Variants in IRS1 observed in about 807,000 individuals in gnomAD.
IRS1 encodes insulin receptor substrate 1.
IRS1 carries 34 observed loss-of-function variants against 65.6 expected under a neutral mutation model. The observed-to-expected ratio is 0.52, with a 90% confidence interval of 0.39 to 0.69. The LOEUF is 0.69. Among genes scored for constraint, IRS1 ranks in the 30% least tolerant of loss-of-function variants. The probability of loss-of-function intolerance (pLI) is 0.00; values close to 1 mark genes in which losing one functional copy is unlikely to be tolerated. For missense variants in IRS1, 1,641 were observed against 1,720.2 expected, an observed-to-expected ratio of 0.95 and a Z score of 0.81; for synonymous variants, 699 against 683.5, an observed-to-expected ratio of 1.02 and a Z score of -0.35.
In IRS1 at chr2:226,771,536, G is replaced by A. The variant is rs151329587; in HGVS notation, c.*21+23453C>T. On this transcript the variant is annotated intron_variant, in intron 1 of 1. Transcript: ENST00000305123. ...CAGGAGTTAGAATTTTAGTAGTTTC[G>A]TTATTTTGCTTTCCTTACAGCATGG... 1.3e-3 allele frequency among the ~76,000 whole-genome samples: 191 copies of A among 152,104 alleles called. 1 individual carries two copies. Among genetic ancestry groups the A allele is most frequent in the African/African-American group, 4.1e-3 (169 of 41,504 alleles).
At position 226,798,805 on chromosome 2, in the gene IRS1, G is replaced by A; in HGVS notation, c.-67C>T. On this transcript the variant is annotated 5_prime_UTR_variant, in exon 1 of 2. Coordinates refer to ENST00000305123, the MANE Select transcript of IRS1 (RefSeq NM_005544.3). This position sits in a 1 kb window ranked among gnomAD's most constrained non-coding sequence, Gnocchi z 9.4. ...GAAAAACAACCGGGTGGGGGGCGGA[G>A]GCTCCTCGCCGCGGCCCGGCACATG... 1 of 1,560,752 alleles carries A rather than the reference G, an allele frequency of 6.4e-7. No individual in the cohort carries two copies. Among genetic ancestry groups the A allele is most frequent in the Non-Finnish European group, 8.7e-7 (1 of 1,153,790 alleles).
chr2:226,762,433 A>G (rs1221614784), intron 1 of IRS1, among the ~76,000 whole-genome samples: 1 of 152,140 alleles, frequency 6.6e-6, no homozygotes, highest in Non-Finnish European at 1.5e-5. Flanking sequence ...ACACTAGTGA[A>G]GCATCTGTAT....
In IRS1 at chr2:226,799,246, A is replaced by C; in HGVS notation, c.-508T>G. 1 of 1,128,092 alleles carries C rather than the reference A, an allele frequency of 8.9e-7. No individual in the cohort carries two copies. The highest frequency in any genetic ancestry group is 1.1e-6 in the Non-Finnish European group (1 of 903,038). The allele number at this position is 1,128,092 out of a possible 1,614,324, so 69.9% of individuals were successfully genotyped here. ...GGGGGAGGCGGGTTGCCAAGTCCCA[A>C]CGTTGCACGGGGTTCTCCCTCCTCC... On this transcript the variant is annotated 5_prime_UTR_variant, in exon 1 of 2. Coordinates refer to ENST00000305123, the MANE Select transcript of IRS1 (RefSeq NM_005544.3). The surrounding 1 kb of genome is among the most constrained non-coding windows in gnomAD (Gnocchi z 6.1).
rs1225210190 is a variant in IRS1, at chr2:226,795,577, A to C, written c.3162T>G (p.Ala1054=). The C allele has an allele frequency of 6.8e-6, 11 of 1,612,946 alleles. No homozygotes were observed. Among genetic ancestry groups the C allele is most frequent in the Non-Finnish European group, 9.3e-6 (11 of 1,179,922 alleles). The change falls in exon 1 of 2, where the codon GCT becomes GCG. Residue 1054 remains alanine (A), a synonymous_variant. Coordinates refer to ENST00000305123, the MANE Select transcript of IRS1 (RefSeq NM_005544.3). ...GGCCCCCCAGCAGGGACGAGTGGGCAGCCAGCTCTGCTGCCCCTTGAGGCC... is the reference window on the plus strand; with the variant it reads ...GGCCCCCCAGCAGGGACGAGTGGGCCGCCAGCTCTGCTGCCCCTTGAGGCC... ...PTGPQGAAEL[A]AHSSLLGGPQ...
At chr2:226,756,080 A>T (rs1301791052) in intron 1 of IRS1, among the ~76,000 whole-genome samples, 1 of 152,246 alleles carries the variant, frequency 6.6e-6, no homozygotes, top group South Asian at 2.1e-4. Context: ...CTAAGTTTTA[A>T]CATAATACAG....
intron 1 of IRS1, among the ~76,000 whole-genome samples, chr2:226,740,050 T>C (rs1938408208): frequency 6.6e-6 from 1 of 152,196 alleles, no homozygotes; most frequent in South Asian, 2.1e-4. Context: ...GTTTTACAAA[T>C]GCAAAAATTC....
intron 1 of IRS1, among the ~76,000 whole-genome samples, chr2:226,766,735 G>A (rs1431756192): frequency 6.6e-6 from 1 of 152,156 alleles, no homozygotes; most frequent in Non-Finnish European, 1.5e-5. Context: ...GAAGTGCTTA[G>A]TTCATTAGTG....
rs1047925660 is a variant in IRS1 at position 226,731,438 on chromosome 2, C to G, written c.*4834G>C. On this transcript the variant is annotated 3_prime_UTR_variant, in exon 2 of 2. Coordinates refer to ENST00000305123, the MANE Select transcript of IRS1 (RefSeq NM_005544.3). ...TTTTCTTTAATTGATGATGAAGACA[C>G]TACAATTCTAAGTACCAGACAGAAT... is the stretch of plus-strand genomic sequence containing the variant. 6.6e-6 allele frequency: 1 copy of G among 151,794 alleles called. No individual in the cohort carries two copies. The highest frequency in any genetic ancestry group is 2.1e-4 in the South Asian group (1 of 4,812). The allele number at this position is 151,794 out of a possible 1,614,324, so 9.4% of individuals were successfully genotyped here. A position where few individuals can be genotyped will look rare whatever the true frequency, so the allele number is the denominator to read the frequency against.
chr2:226,766,145 ATATATATATATATATATAT>A (rs1559151979), intron 1 of IRS1, among the ~76,000 whole-genome samples: 2 of 3,768 alleles, frequency 5.3e-4, no homozygotes, highest in African/African-American at 1.2e-3. Context: ...ATATATATAT[ATATATATATATATATATAT>A]TTTTTTTTTT....
At position 226,795,067 on chromosome 2, in the gene IRS1, C is replaced by T; in HGVS notation, c.3672G>A (p.Glu1224=). ...GESSSTRRSS[E]DLSAYASISF... ...TGATGCTGGCATAGGCGCTTAAATC[C>T]TCACTTGAGCGGCGGGTGGAGCTGC... Residue 1224 remains glutamate, a synonymous_variant, in exon 1 of 2, where the codon GAG becomes GAA. Transcript: ENST00000305123. 6 of 1,607,196 alleles carry T rather than the reference C, an allele frequency of 3.7e-6. No individual in the cohort carries two copies. Among genetic ancestry groups the T allele is most frequent in the Non-Finnish European group, 5.1e-6 (6 of 1,178,142 alleles).
At chr2:226,739,536 A>G (rs1182560515) in intron 1 of IRS1, among the ~76,000 whole-genome samples, 2 of 152,234 alleles carry the variant, frequency 1.3e-5, no homozygotes, top group Non-Finnish European at 2.9e-5. Context: ...AGAGCCAAAT[A>G]TGGTGAATAA....
chr2:226,789,634 G>T (rs1939551179), intron 1 of IRS1, among the ~76,000 whole-genome samples: 1 of 152,170 alleles, frequency 6.6e-6, no homozygotes, highest in South Asian at 2.1e-4. Context: ...TGAAAAAGAG[G>T]TGATTTCCAA....
intron 1 of IRS1, among the ~76,000 whole-genome samples, chr2:226,774,214 C>T (rs1939223256): frequency 6.6e-6 from 1 of 152,054 alleles, no homozygotes; most frequent in Admixed American, 6.6e-5. Flanking sequence ...TATACTGAAT[C>T]AAAATCACAA....
rs1232470098 is a variant in IRS1 at position 226,790,458 on chromosome 2, A to G, written c.*21+4531T>C. On this transcript the variant is annotated intron_variant, in intron 1 of 1. Transcript: ENST00000305123. ...CTACAATATATGCAACATTTTATGG[A>G]TTTATTTTTACTATAAAAAGATACC... Among the ~76,000 whole-genome samples the G allele has an allele frequency of 5.3e-5, 8 of 152,196 alleles. No individual in the cohort carries two copies. In the East Asian group the frequency reaches 1.5e-3, roughly 29 times the overall value.
At chr2:226,739,443 T>C (rs916994385) in intron 1 of IRS1, among the ~76,000 whole-genome samples, 2 of 152,220 alleles carry the variant, frequency 1.3e-5, no homozygotes, top group African/African-American at 4.8e-5. Context: ...GCCTTGGGCA[T>C]ATTCTTTTGA....
intron 1 of IRS1, among the ~76,000 whole-genome samples, chr2:226,747,130 C>T (rs143221846): frequency 6.6e-6 from 1 of 152,176 alleles, no homozygotes. Context: ...CACATTATTG[C>T]AGGGTTGAGC....
intron 1 of IRS1, among the ~76,000 whole-genome samples, chr2:226,756,658 T>A (rs1938808432): frequency 6.6e-6 from 1 of 152,100 alleles, no homozygotes; most frequent in African/African-American, 2.4e-5. Context: ...AACAGAATTG[T>A]CTCCTTTAAA....
chr2:226,771,206 C>G (rs1291183305), intron 1 of IRS1, among the ~76,000 whole-genome samples: 2 of 152,198 alleles, frequency 1.3e-5, no homozygotes, highest in South Asian at 2.1e-4. Context: ...CTGTGTTTAT[C>G]AAGGTCAGAA....
chr2:226,758,263 A>G (rs1384923168), intron 1 of IRS1, among the ~76,000 whole-genome samples: 1 of 152,206 alleles, frequency 6.6e-6, no homozygotes, highest in African/African-American at 2.4e-5. Context: ...AATAATTTTA[A>G]ATAATACTTG....
Sources: allele counts gnomAD v4.1 joint callset (sites outside exome capture counted in the v4.1 genomes callset), GRCh38; gene constraint gnomAD v4.1.1; non-coding constraint Gnocchi (gnomAD v3.1); transcripts MANE v1.5; gene names NCBI Gene and HGNC (gene_info 2026-07-23, HGNC 2026-07-21).